Variants in STAM2 observed in about 807,000 individuals in gnomAD.
STAM2 encodes the protein signal transducing adapter molecule 2.
STAM2 carries 51 observed loss-of-function variants against 65.6 expected under a neutral mutation model. The observed-to-expected ratio is 0.78, with a 90% CI of 0.62 to 0.98. The LOEUF is 0.98. STAM2 is among the 50% of genes least tolerant of loss of function. The pLI is 0.00. For synonymous variants in STAM2, 198 were observed against 208.4 expected, an observed-to-expected ratio of 0.95 and a Z score of 0.43; for missense variants, 584 against 617.8, an observed-to-expected ratio of 0.95 and a Z score of 0.58.
At chr2:152,160,164 T>C (rs1199748609) in intron 1 of STAM2, among the ~76,000 whole-genome samples, 1 of 151,974 alleles carries the variant, frequency 6.6e-6, no homozygotes, top group Non-Finnish European at 1.5e-5. Context: ...GTCGGGGAAG[T>C]GAGGAGCGTC....
In STAM2 at chr2:152,132,146, T is replaced by C. The variant is rs1689076363; in HGVS notation, c.993A>G (p.Pro331=). The change falls in exon 11 of 14, where the codon CCA becomes CCG. Residue 331 remains proline, a synonymous_variant. Transcript: ENST00000263904. ...TTTCTTCAAGTTTTTCATCTATCAT[T>C]GGACCCATCTGTTGGCAGATATCTG... is the stretch of plus-strand genomic sequence containing the variant. ...DLEDICQQMG[P]MIDEKLEEID... 7 of 1,611,784 alleles carry C rather than the reference T, an allele frequency of 4.3e-6. No individual in the cohort carries two copies. The highest frequency in any genetic ancestry group is 1.7e-4 in the Middle Eastern group (1 of 6,054).
chr2:152,133,504 T>G lies in STAM2; in HGVS notation c.800-20A>C, dbSNP rs1438868644. On this transcript the variant is annotated intron_variant, in intron 8 of 13. Transcript: ENST00000263904. ...CAGCCGCTATAGAAACAAAGTAATT[T>G]TAAGTTCCTCAGCATTTACTTCAGT... 1 of 1,591,664 alleles carries G rather than the reference T, an allele frequency of 6.3e-7. No individual in the cohort carries two copies. Among genetic ancestry groups the G allele is most frequent in the East Asian group, 2.2e-5 (1 of 44,674 alleles).
Position 152,118,165 on chromosome 2 carries a change from C to T in STAM2, c.*2409G>A, listed in dbSNP as rs1051381191. Reference sequence around the variant, plus strand: ...TCTGATATAAAACAGTAAGTATGAACCCAATGTAGAAATCTGAAGTTAGAC... The same window carrying T: ...TCTGATATAAAACAGTAAGTATGAATCCAATGTAGAAATCTGAAGTTAGAC... On this transcript the variant is annotated 3_prime_UTR_variant, in exon 14 of 14. Transcript: ENST00000263904. The T allele has an allele frequency of 6.6e-6, 1 of 151,678 alleles. No individual in the cohort carries two copies. Among genetic ancestry groups the T allele is most frequent in the East Asian group, 1.9e-4 (1 of 5,184 alleles). The allele number at this position is 151,678 out of a possible 1,614,324, so 9.4% of individuals were successfully genotyped here.
At chr2:152,143,662 C>T (rs373620488) in intron 7 of STAM2, among the ~76,000 whole-genome samples, 165 bp downstream of exon 7, 14 of 151,994 alleles carry the variant, frequency 9.2e-5, no homozygotes, top group East Asian at 3.8e-4. Context: ...TCAAATATAA[C>T]GAGAAGAGGC....
At chr2:152,166,073 C>G (rs576657249) in intron 1 of STAM2, among the ~76,000 whole-genome samples, 1 of 152,150 alleles carries the variant, frequency 6.6e-6, no homozygotes, top group African/African-American at 2.4e-5. Context: ...CATGGTGGTG[C>G]ACATCTGTAG....
chr2:152,175,162 T>C (rs1174610062), intron 1 of STAM2, among the ~76,000 whole-genome samples: 1 of 152,210 alleles, frequency 6.6e-6, no homozygotes, highest in African/African-American at 2.4e-5. Flanking sequence ...AATGCGGTTG[T>C]CTAGGTGTCA....
In STAM2 at chr2:152,126,337, T is replaced by C; in HGVS notation, c.1068A>G (p.Glu356=). The change falls in exon 12 of 14, where the codon GAA becomes GAG. Residue 356 remains glutamate, a synonymous_variant. Transcript: ENST00000263904. Reference sequence around the variant, plus strand: ...CCAATTTGTTATATAGTTCCAGAGCTTCCAGGACTTTAACATTCAATTCAG... The same window carrying C: ...CCAATTTGTTATATAGTTCCAGAGCCTCCAGGACTTTAACATTCAATTCAG... ...ELSELNVKVL[E]ALELYNKLVN... The C allele has an allele frequency of 1.3e-6, 2 of 1,591,660 alleles. No individual in the cohort carries two copies. The highest frequency in any genetic ancestry group is 2.3e-5 in the South Asian group (2 of 86,542).
chr2:152,125,400 T>C (rs1688946339), intron 12 of STAM2, among the ~76,000 whole-genome samples: 1 of 152,230 alleles, frequency 6.6e-6, no homozygotes, highest in Non-Finnish European at 1.5e-5. Flanking sequence ...ATTCTACCCT[T>C]TCTCCTTGGT....
At chr2:152,164,089 T>G (rs1337990141) in intron 1 of STAM2, among the ~76,000 whole-genome samples, 1 of 152,188 alleles carries the variant, frequency 6.6e-6, no homozygotes, top group African/African-American at 2.4e-5. Flanking sequence ...AAAAACTTGC[T>G]GATTTTGCAG....
At chr2:152,142,730 C>A (rs1689270520) in intron 7 of STAM2, among the ~76,000 whole-genome samples, 1 of 152,170 alleles carries the variant, frequency 6.6e-6, no homozygotes, top group African/African-American at 2.4e-5. Context: ...GTATTTCTAT[C>A]TATTCTCCTT....
At position 152,145,996 on chromosome 2, in the gene STAM2, G is replaced by A. The variant is rs540077515; in HGVS notation, c.448-1039C>T. The stretch of plus-strand genomic sequence containing the variant: ...TATAAAGAATCTTTTTTCGGCCAGC[G>A]TGGTGGCTCATGCCTGTAATCCCAG... On this transcript the variant is annotated intron_variant, in intron 5 of 13. Coordinates refer to ENST00000263904, the MANE Select transcript of STAM2 (RefSeq NM_005843.6). Among the ~76,000 whole-genome samples, 10 of 151,964 alleles carry A rather than the reference G, an allele frequency of 6.6e-5. No homozygotes were observed. The South Asian group carries it at 1.9e-3, about 28-fold the overall frequency.
chr2:152,166,870 T>C (rs1689797334), intron 1 of STAM2, among the ~76,000 whole-genome samples: 1 of 152,140 alleles, frequency 6.6e-6, no homozygotes, highest in Non-Finnish European at 1.5e-5. Flanking sequence ...TTAGTACAAA[T>C]GAGAAGTAAA....
At chr2:152,120,832 T>C (rs769335559) in intron 13 of STAM2, 30 bp from the exon 14 acceptor site, 1 of 1,551,200 alleles carries the variant, frequency 6.4e-7, no homozygotes, top group African/African-American at 1.4e-5. Flanking sequence ...AAGAAAACCA[T>C]ATTTACTTTG....
intron 6 of STAM2, 74 bp downstream of exon 6, chr2:152,144,814 G>T: frequency 7.7e-7 from 1 of 1,294,334 alleles, no homozygotes; most frequent in Non-Finnish European, 1.1e-6. Context: ...TGGGATTACA[G>T]GCGTGAGCCA....
At position 152,119,735 on chromosome 2, in the gene STAM2, T is replaced by C. The variant is rs916116153; in HGVS notation, c.*839A>G. 1.3e-5 allele frequency: 2 copies of C among 152,210 alleles called. No individual in the cohort carries two copies. 9.4% of individuals were successfully genotyped at this position (152,210 alleles called of 1,614,324 possible). ...GACAATTCTAAATACCAGAGATACA[T>C]GTAGGAAAGAAAATGTTTTTCCTCA... On this transcript the variant is annotated 3_prime_UTR_variant, in exon 14 of 14. Transcript: ENST00000263904.
chr2:152,120,294 T>A lies in STAM2; in HGVS notation c.*280A>T, dbSNP rs1688826236. The A allele has an allele frequency of 1.2e-5, 5 of 419,886 alleles. No homozygotes were observed. In the East Asian group the frequency reaches 2.2e-4, roughly 19 times the overall value. The allele number at this position is 419,886 out of a possible 1,614,324, so 26.0% of individuals were successfully genotyped here. The stretch of plus-strand genomic sequence containing the variant: ...GTTTGTCATAAGGCTACTTAATGAG[T>A]ATCTAGATTTATGTAGAGAAATCTG... On this transcript the variant is annotated 3_prime_UTR_variant, in exon 14 of 14. Coordinates refer to ENST00000263904, the MANE Select transcript of STAM2 (RefSeq NM_005843.6).
At chr2:152,133,351 T>C (rs1228376425) in intron 9 of STAM2, 51 bp downstream of exon 9, 3 of 1,539,354 alleles carry the variant, frequency 1.9e-6, no homozygotes, top group Non-Finnish European at 2.7e-6. Flanking sequence ...TCAAAGATAG[T>C]ACATTTAAAT....
chr2:152,154,297 C>T (rs939666196), intron 1 of STAM2, among the ~76,000 whole-genome samples: 3 of 152,128 alleles, frequency 2.0e-5, no homozygotes, highest in Non-Finnish European at 2.9e-5. Flanking sequence ...AATCAGGTGT[C>T]ATCACACCAG....
intron 1 of STAM2, among the ~76,000 whole-genome samples, chr2:152,168,449 C>T (rs68008008): frequency 0.15 from 22,674 of 152,042 alleles, 1,969 homozygotes; most frequent in Middle Eastern, 0.31. Context: ...TGAGCCACCG[C>T]GCCCAGCCAC....
Sources: gnomAD v4.1 joint callset for allele counts (sites outside exome capture counted in the v4.1 genomes callset) on GRCh38, gnomAD v4.1.1 for gene constraint, MANE v1.5 for transcripts, NCBI Gene and HGNC (gene_info 2026-07-23, HGNC 2026-07-21) for gene names.